CCNK: variants seen among roughly 807,000 people sequenced by gnomAD.
CCNK encodes cyclin K, also known as cyclin-K.
Under a neutral mutation model 65.0 loss-of-function variants are expected in CCNK, and 9 were observed. The observed-to-expected ratio is 0.14, with a 90% confidence interval of 0.08 to 0.24. The LOEUF is 0.24. CCNK is among the 10% of genes least tolerant of loss of function. CCNK has a pLI of 1.00. For synonymous variants in CCNK, 279 were observed against 270.8 expected (o/e 1.03, Z -0.30); for missense variants, 474 against 720.0 (o/e 0.66, Z 3.91).
In CCNK at chr14:99,502,401, G is replaced by A. The variant is rs116241246; in HGVS notation, c.745+25G>A. ...GGTACCAGGCATGCTAAGCGTTCTC[G>A]TGAGGGTGTTCCATGTTGAGATGAT... On this transcript the variant is annotated intron_variant, in intron 7 of 10. Transcript: ENST00000389879. The A allele has an allele frequency of 4.1e-5, 66 of 1,608,850 alleles. No individual in the cohort carries two copies. The African/African-American group carries it at 6.4e-4, about 16-fold the overall frequency.
chr14:99,510,434 C>T lies in CCNK; in HGVS notation c.1395C>T (p.Tyr465=), dbSNP rs1418672293. ...GPSYGALPPA[Y]GPPAHLPYHP... ...CCTACGGTGCCCTGCCCCCCGCCTA[C>T]GGCCCACCTGCACACCTGCCCTACC... is the stretch of plus-strand genomic sequence containing the variant. Residue 465 remains tyrosine (Y), a synonymous_variant, in exon 11 of 11, where the codon TAC becomes TAT. Coordinates refer to ENST00000389879, the MANE Select transcript of CCNK (RefSeq NM_001099402.2). The T allele has an allele frequency of 2.0e-5, 31 of 1,545,072 alleles. No individual in the cohort carries two copies. The highest frequency in any genetic ancestry group is 1.5e-4 in the East Asian group (6 of 40,718).
At chr14:99,508,003 T>C (rs2139882261) in intron 10 of CCNK, 1 of 152,256 alleles carries the variant, frequency 6.6e-6, no homozygotes, top group African/African-American at 2.4e-5. Context: ...CTCCAAAAGG[T>C]GGTCGATACT....
intron 9 of CCNK, 111 bp from the exon 10 acceptor site, chr14:99,506,965 A>G (rs560782169): frequency 1.3e-6 from 1 of 776,490 alleles, no homozygotes; most frequent in South Asian, 1.4e-5. Flanking sequence ...AGCCTTGGTC[A>G]TCTCTGTTGT....
In CCNK at chr14:99,510,905, T is replaced by G; in HGVS notation, c.*123T>G. On this transcript the variant is annotated 3_prime_UTR_variant, in exon 11 of 11. Transcript: ENST00000389879. ...CACGACAGTTGCAGTATGGGAAGAA[T>G]GGACCGGGCCCCTGGGATAAAATCA... is the stretch of plus-strand genomic sequence containing the variant. 1.2e-6 allele frequency: 1 copy of G among 848,546 alleles called. No homozygotes were observed. The highest frequency in any genetic ancestry group is 1.6e-6 in the Non-Finnish European group (1 of 624,062). 52.6% of individuals were successfully genotyped at this position (848,546 alleles called of 1,614,324 possible).
intron 6 of CCNK, 171 bp from the exon 7 acceptor site, chr14:99,502,036 T>A: frequency 1.5e-6 from 1 of 652,544 alleles, no homozygotes; most frequent in African/African-American, 1.9e-5. Flanking sequence ...TAAAGTAACT[T>A]AGTCGGGTAC....
Position 99,481,494 on chromosome 14 carries a change from G to A in CCNK, c.-53+15G>A, listed in dbSNP as rs1896316960. Reference sequence around the variant, plus strand: ...TGAAGCGAGGGGTGAGTGACCCACCGACTGAGGGCAGCGCCGCCCACCTCC... The same window carrying A: ...TGAAGCGAGGGGTGAGTGACCCACCAACTGAGGGCAGCGCCGCCCACCTCC... On this transcript the variant is annotated intron_variant, in intron 1 of 10. Transcript: ENST00000389879. 7.5e-6 allele frequency: 3 copies of A among 398,642 alleles called. No individual in the cohort carries two copies. Among genetic ancestry groups the A allele is most frequent in the African/African-American group, 2.1e-5 (1 of 48,776 alleles). The allele number at this position is 398,642 out of a possible 1,614,324, so 24.7% of individuals were successfully genotyped here.
intron 8 of CCNK, 171 bp downstream of exon 8, chr14:99,503,155 C>A: frequency 2.6e-6 from 2 of 781,574 alleles, no homozygotes; most frequent in Non-Finnish European, 4.4e-6. Flanking sequence ...AAAGGTGCTC[C>A]AAGGACAGGC....
At chr14:99,487,420 A>G (rs898639889) in intron 1 of CCNK, among the ~76,000 whole-genome samples, 1 of 151,876 alleles carries the variant, frequency 6.6e-6, no homozygotes, top group Admixed American at 6.6e-5. Flanking sequence ...GCCAGTGGCA[A>G]CCCCCCAGTT....
intron 4 of CCNK, among the ~76,000 whole-genome samples, chr14:99,499,548 G>A (rs1896774896): frequency 6.6e-6 from 1 of 152,204 alleles, no homozygotes; most frequent in African/African-American, 2.4e-5. Flanking sequence ...GAGATTTACA[G>A]TCCTCTACAA....
chr14:99,500,038 A>G (rs1398218581), intron 4 of CCNK: 2 of 152,240 alleles, frequency 1.3e-5, no homozygotes, highest in Admixed American at 1.3e-4. Flanking sequence ...ATTGTATCCC[A>G]CCCAAATCCC....
intron 1 of CCNK, among the ~76,000 whole-genome samples, chr14:99,486,508 A>G (rs1197576024): frequency 6.6e-6 from 1 of 152,218 alleles, no homozygotes; most frequent in Non-Finnish European, 1.5e-5. Context: ...TATGTTCTGT[A>G]GAGACTTCAA....
At chr14:99,489,741 T>G (rs1896561632) in intron 1 of CCNK, among the ~76,000 whole-genome samples, 1 of 152,200 alleles carries the variant, frequency 6.6e-6, no homozygotes, top group Non-Finnish European at 1.5e-5. Flanking sequence ...ATTTACATGA[T>G]TCAAACATCA....
chr14:99,503,355 T>G (rs1896889317), intron 8 of CCNK: 1 of 602,172 alleles, frequency 1.7e-6, no homozygotes, highest in African/African-American at 1.9e-5. Flanking sequence ...TCCTGAAACT[T>G]AGTGTTTACT....
chr14:99,488,996 A>G (rs1326111260), intron 1 of CCNK, among the ~76,000 whole-genome samples: 1 of 150,924 alleles, frequency 6.6e-6, no homozygotes, highest in Admixed American at 6.6e-5. Context: ...AGTACATCCC[A>G]GGCAGGCTCC....
intron 4 of CCNK, 85 bp downstream of exon 4, chr14:99,495,714 G>C: frequency 8.0e-7 from 1 of 1,251,042 alleles, no homozygotes; most frequent in Non-Finnish European, 1.1e-6. Flanking sequence ...AGTGCCTGTA[G>C]CCCTTGTGTC....
chr14:99,486,182 A>G (rs1595303445), intron 1 of CCNK, among the ~76,000 whole-genome samples: 1 of 152,176 alleles, frequency 6.6e-6, no homozygotes, highest in African/African-American at 2.4e-5. Context: ...ACTGTTGACT[A>G]CCATCTCTGG....
chr14:99,510,359 T>C lies in CCNK; in HGVS notation c.1320T>C (p.Ser440=), dbSNP rs1457972802. 1.2e-5 allele frequency: 18 copies of C among 1,542,288 alleles called. No individual in the cohort carries two copies. In the East Asian group the frequency reaches 4.4e-4, roughly 38 times the overall value. ...TGTCCACCACCAGCTCCTACATGTC[T>C]GGAGAGGGCTACCAGAGCCTGCAGT... The part of the protein sequence containing the change: ...TGMSTTSSYM[S]GEGYQSLQSM... The change falls in exon 11 of 11, where the codon TCT becomes TCC. Residue 440 remains serine, a synonymous_variant. Coordinates refer to ENST00000389879, the MANE Select transcript of CCNK (RefSeq NM_001099402.2).
intron 1 of CCNK, among the ~76,000 whole-genome samples, chr14:99,483,353 A>G (rs2139844604): frequency 6.6e-6 from 1 of 152,238 alleles, no homozygotes; most frequent in East Asian, 1.9e-4. Flanking sequence ...GTTCAAGACC[A>G]TCCTGGGCAA....
At chr14:99,482,813 T>C (rs1175965909) in intron 1 of CCNK, among the ~76,000 whole-genome samples, 1 of 152,172 alleles carries the variant, frequency 6.6e-6, no homozygotes. Context: ...CTGTGGCCTA[T>C]AAAATGGGCT....
Sources: gnomAD v4.1 joint callset for allele counts (sites outside exome capture counted in the v4.1 genomes callset) on GRCh38, gnomAD v4.1.1 for gene constraint, MANE v1.5 for transcripts, NCBI Gene and HGNC (gene_info 2026-07-23, HGNC 2026-07-21) for gene names.